Variants in ETV4 observed in about 807,000 individuals in gnomAD.
The protein encoded by ETV4 is ETS translocation variant 4.
In ETV4, 42 loss-of-function variants were observed where a neutral mutation model predicts 65.9. That is an observed-to-expected ratio of 0.64 (90% confidence interval 0.50 to 0.82). The LOEUF (loss-of-function observed/expected upper bound fraction) is 0.82, where lower values mean the gene tolerates loss of function less well. Ranked by LOEUF, ETV4 falls within the 40% of genes least tolerant of loss-of-function variation. ETV4 has a pLI of 0.00. For missense variants in ETV4, 583 were observed against 630.3 expected (o/e 0.92, Z 0.80); for synonymous variants, 238 against 260.0 (o/e 0.92, Z 0.81).
chr17:43,536,952 A>AT (rs890373623), intron 4 of ETV4, among the ~76,000 whole-genome samples: 1 of 151,572 alleles, frequency 6.6e-6, no homozygotes, highest in Non-Finnish European at 1.5e-5. Flanking sequence ...TATTTCCTCC[A>AT]TTTTTCTGAA....
At chr17:43,543,320 C>T (rs1014666323) in intron 4 of ETV4, among the ~76,000 whole-genome samples, 28 of 130,224 alleles carry the variant, frequency 2.2e-4, no homozygotes, top group Non-Finnish European at 3.5e-4. Flanking sequence ...GCTGTCACAC[C>T]GACACTGACA....
intron 12 of ETV4, 64 bp from the exon 13 acceptor site, chr17:43,528,807 G>T: frequency 1.5e-6 from 2 of 1,330,044 alleles, no homozygotes; most frequent in Admixed American, 1.9e-5. Flanking sequence ...GGGGTAAGGT[G>T]GGGGAGTGGG....
Position 43,533,279 on chromosome 17 carries a change from T to TA in ETV4, c.452dup (p.Gln152ThrfsTer31). 1 of 1,613,702 alleles carries TA rather than the reference T, an allele frequency of 6.2e-7. No individual in the cohort carries two copies. Among genetic ancestry groups the TA allele is most frequent in the Non-Finnish European group, 8.5e-7 (1 of 1,179,842 alleles). The stretch of plus-strand genomic sequence containing the variant: ...GTTGCTCTGCCCGGGGAAAGGGCTG[T>TA]AGGGGCGACTGTCCAAGGGCACCAG... On this transcript the variant is annotated frameshift_variant, in exon 7 of 13. Coordinates refer to ENST00000319349, the MANE Select transcript of ETV4 (RefSeq NM_001079675.5). LOFTEE classifies it high-confidence loss of function.
intron 4 of ETV4, among the ~76,000 whole-genome samples, chr17:43,543,278 T>A (rs545801368): frequency 1.8e-3 from 245 of 132,952 alleles, no homozygotes; most frequent in Non-Finnish European, 2.4e-3. Context: ...ACACACACAC[T>A]CTCTCTCTCT....
chr17:43,533,753 G>A (rs1971087418), intron 6 of ETV4, 106 bp downstream of exon 6: 1 of 1,418,944 alleles, frequency 7.0e-7, no homozygotes. Flanking sequence ...AATCCTTTCT[G>A]TTGTCTAACT....
intron 8 of ETV4, among the ~76,000 whole-genome samples, chr17:43,531,251 A>G (rs138662429): frequency 2.0e-5 from 3 of 152,348 alleles, no homozygotes; most frequent in African/African-American, 7.2e-5. Context: ...TAGGGCTACT[A>G]ATGTAACAAA....
chr17:43,528,622 T>C lies in ETV4; in HGVS notation c.1352A>G (p.Glu451Gly). 2 of 1,614,110 alleles carry C rather than the reference T, an allele frequency of 1.2e-6. No homozygotes were observed. Among genetic ancestry groups the C allele is most frequent in the Non-Finnish European group, 1.7e-6 (2 of 1,179,992 alleles). ...KAEFDRPVSE[E>G]DTVPLSHLDE... The stretch of plus-strand genomic sequence containing the variant: ...CAAGTGGGACAAAGGGACTGTGTCC[T>C]CCTCACTGACAGGCCGGTCAAACTC... Residue 451 changes from glutamate to glycine, a missense_variant, in exon 13 of 13, where the codon GAG (glutamate) becomes GGG (glycine). Glu to Gly is a moderately conservative substitution (Grantham distance 98). Transcript: ENST00000319349.
chr17:43,530,548 C>A (rs1178718565), intron 8 of ETV4: 5 of 714,140 alleles, frequency 7.0e-6, no homozygotes, highest in Non-Finnish European at 7.9e-6. Flanking sequence ...GCCTAAGACT[C>A]CCTCAGAATG....
intron 5 of ETV4, among the ~76,000 whole-genome samples, chr17:43,535,552 C>T (rs1020614922): frequency 3.9e-5 from 6 of 152,234 alleles, no homozygotes; most frequent in East Asian, 1.9e-4. Context: ...GCTGGGATTA[C>T]AGGCGTGAGC....
In ETV4 at chr17:43,528,446, TC is replaced by T; in HGVS notation, c.*72del. 1 of 1,061,228 alleles carries T rather than the reference TC, an allele frequency of 9.4e-7. No homozygotes were observed. Among genetic ancestry groups the T allele is most frequent in the Non-Finnish European group, 1.4e-6 (1 of 736,122 alleles). The allele number at this position is 1,061,228 out of a possible 1,614,324, so 65.7% of individuals were successfully genotyped here. On this transcript the variant is annotated 3_prime_UTR_variant, in exon 13 of 13. Transcript: ENST00000319349. ...CATCTGTGGGTTTCAGATGAAGGTTTCCCCAACACCAGATTCATTTATATGT... is the reference window on the plus strand; with the variant it reads ...CATCTGTGGGTTTCAGATGAAGGTTTCCCAACACCAGATTCATTTATATGT...
At chr17:43,537,447 A>T (rs559072614) in intron 4 of ETV4, among the ~76,000 whole-genome samples, 87 of 152,128 alleles carry the variant, frequency 5.7e-4, no homozygotes, top group African/African-American at 2.0e-3. Context: ...TAATCCCAGC[A>T]CTTTGGGAGG....
intron 12 of ETV4, 110 bp from the exon 13 acceptor site, chr17:43,528,853 G>C (rs899043815): frequency 4.8e-6 from 4 of 836,562 alleles, no homozygotes; most frequent in East Asian, 2.7e-5. Flanking sequence ...GCAGATGCTC[G>C]GGGCATTTCT....
intron 4 of ETV4, among the ~76,000 whole-genome samples, chr17:43,538,776 G>C (rs1279975148): frequency 6.6e-6 from 1 of 152,130 alleles, no homozygotes; most frequent in Non-Finnish European, 1.5e-5. Context: ...GGGTGATGCA[G>C]TGGAACCTGT....
chr17:43,533,209 G>T lies in ETV4; in HGVS notation c.523C>A (p.His175Asn), dbSNP rs35270564. 2,630 of 1,613,402 alleles carry T rather than the reference G, an allele frequency of 1.6e-3. 7 individuals are homozygous for T. The highest frequency in any genetic ancestry group is 2.0e-3 in the Non-Finnish European group (2,324 of 1,179,808). Residue 175 changes from histidine (H) to asparagine (N), a missense_variant, in exon 7 of 13, where the codon CAT becomes AAT. Coordinates refer to ENST00000319349, the MANE Select transcript of ETV4 (RefSeq NM_001079675.5). ...TACCTATGTTCCCCGAGGTACCCAT[G>T]GCCAGGGTGGGGCTGGGAGGTGCCA... ...SSGTSQPHPG[H>N]GYLGEHSSVF...
chr17:43,527,960 G>T lies in ETV4; in HGVS notation c.*559C>A, dbSNP rs1030785665. ...AAAGGCAAAGGGTCCCTTGGAGCAGGAACCCATCCCTCTCTGCTTATACCC... is the reference window on the plus strand; with the variant it reads ...AAAGGCAAAGGGTCCCTTGGAGCAGTAACCCATCCCTCTCTGCTTATACCC... On this transcript the variant is annotated 3_prime_UTR_variant, in exon 13 of 13. Transcript: ENST00000319349. 1 of 233,552 alleles carries T rather than the reference G, an allele frequency of 4.3e-6. No homozygotes were observed. Among genetic ancestry groups the T allele is most frequent in the Admixed American group, 5.6e-5 (1 of 17,796 alleles). 14.5% of individuals were successfully genotyped at this position (233,552 alleles called of 1,614,324 possible). A position where few individuals can be genotyped will look rare whatever the true frequency, so the allele number is the denominator to read the frequency against.
At position 43,545,309 on chromosome 17, in the gene ETV4, A is replaced by C; in HGVS notation, c.119T>G (p.Met40Arg). 1 of 1,610,198 alleles carries C rather than the reference A, an allele frequency of 6.2e-7. No individual in the cohort carries two copies. The highest frequency in any genetic ancestry group is 8.5e-7 in the Non-Finnish European group (1 of 1,178,338). Residue 40 changes from methionine to arginine, a missense_variant, in exon 3 of 13, where the codon ATG (methionine) becomes AGG (arginine). Transcript: ENST00000319349. The part of the protein sequence containing the change: ...EALIGPLGKL[M>R]DPGSLPPLDS... ...GAGGGGCGGCAGGGAGCCCGGGTCC[A>C]TGAGCTTCCCCAGCGGGCCGATCAG...
intron 4 of ETV4, among the ~76,000 whole-genome samples, chr17:43,538,223 C>T (rs972056118): frequency 3.3e-5 from 5 of 151,768 alleles, no homozygotes; most frequent in Non-Finnish European, 7.4e-5. Flanking sequence ...AGGAGAATAA[C>T]TTGAACCCGG....
rs780316290 is a variant in ETV4 at position 43,545,291 on chromosome 17, G to A, written c.137C>T (p.Pro46Leu). The A allele has an allele frequency of 4.4e-6, 7 of 1,609,012 alleles. No individual in the cohort carries two copies. The highest frequency in any genetic ancestry group is 2.2e-5 in the East Asian group (1 of 44,740). Residue 46 changes from proline (P) to leucine (L), a missense_variant, in exon 3 of 13, where the codon CCG (proline) becomes CTG (leucine). Pro to Leu is a moderately conservative substitution (Grantham distance 98, BLOSUM62 -3). Transcript: ENST00000319349. ...LGKLMDPGSL[P>L]PLDSEDLFQD... ...CTCTTTACCTTCAGAGTCGAGGGGC[G>A]GCAGGGAGCCCGGGTCCATGAGCTT...
chr17:43,538,833 T>A (rs200349101), intron 4 of ETV4, among the ~76,000 whole-genome samples: 2 of 152,298 alleles, frequency 1.3e-5, no homozygotes, highest in East Asian at 3.9e-4. Flanking sequence ...GCTCTCTCCT[T>A]CCCTGGAGAC....
Sources: gnomAD v4.1 joint callset for allele counts (sites outside exome capture counted in the v4.1 genomes callset) on GRCh38, gnomAD v4.1.1 for gene constraint, MANE v1.5 for transcripts, NCBI Gene and HGNC (gene_info 2026-07-23, HGNC 2026-07-21) for gene names.